ERBB4: variants seen among roughly 807,000 people sequenced by gnomAD.
The protein encoded by ERBB4 is receptor tyrosine-protein kinase erbB-4.
ERBB4 carries 42 observed loss-of-function variants against 158.0 expected under a neutral mutation model. That is an observed-to-expected ratio of 0.27 (90% CI 0.21 to 0.34). The LOEUF (loss-of-function observed/expected upper bound fraction) is 0.34. ERBB4 is among the 10% of genes least tolerant of loss of function. The pLI is 1.00. For synonymous variants in ERBB4, 583 were observed against 558.7 expected, an observed-to-expected ratio of 1.04 and a Z score of -0.61; for missense variants, 1,333 against 1,624.1, an observed-to-expected ratio of 0.82 and a Z score of 3.08.
chr2:211,613,287 G>C (rs578111169), intron 19 of ERBB4, among the ~76,000 whole-genome samples: 2 of 152,164 alleles, frequency 1.3e-5, no homozygotes, highest in African/African-American at 4.8e-5. Context: ...TGGTTACAAT[G>C]ATGGTCCATG....
intron 20 of ERBB4, among the ~76,000 whole-genome samples, chr2:211,507,393 C>A (rs566944401): frequency 2.6e-5 from 4 of 152,022 alleles, no homozygotes; most frequent in Non-Finnish European, 5.9e-5. Context: ...CCATATCAGG[C>A]AAGGATACAA....
chr2:212,520,394 G>A (rs1053470529), intron 1 of ERBB4, among the ~76,000 whole-genome samples: 10 of 151,774 alleles, frequency 6.6e-5, no homozygotes, highest in Admixed American at 4.6e-4. Flanking sequence ...ATTTTATTGG[G>A]TTACTATTCT....
intron 13 of ERBB4, among the ~76,000 whole-genome samples, chr2:211,675,810 A>ATATATATATATAT (rs61556310): frequency 4.2e-5 from 6 of 143,516 alleles, no homozygotes; most frequent in Admixed American, 7.0e-5. Flanking sequence ...ATATATATAT[A>ATATATATATATAT]ACAAATAGGC....
At chr2:211,837,800 G>A (rs1559560749) in intron 3 of ERBB4, among the ~76,000 whole-genome samples, 1 of 152,106 alleles carries the variant, frequency 6.6e-6, no homozygotes, top group Non-Finnish European at 1.5e-5. Context: ...ATTTTCTGTG[G>A]ATAATATATT....
chr2:212,268,959 T>C (rs1467590862), intron 1 of ERBB4, among the ~76,000 whole-genome samples: 1 of 151,828 alleles, frequency 6.6e-6, no homozygotes, highest in Non-Finnish European at 1.5e-5. Context: ...CTTCTGTCTA[T>C]TCAAAAAACC....
rs77877215 is a variant in ERBB4, at chr2:211,856,912, A to G, written c.422-68753T>C. Among the ~76,000 whole-genome samples, 10 of 152,302 alleles carry G rather than the reference A, an allele frequency of 6.6e-5. No individual in the cohort carries two copies. In the East Asian group the frequency reaches 1.9e-3, roughly 29 times the overall value. On this transcript the variant is annotated intron_variant, in intron 3 of 27. Transcript: ENST00000342788. Reference sequence around the variant, plus strand: ...TGTAGGAGTACTTTTGGTGTTGTACAATCAACAGATTTAGATCTTTAGTAA... The same window carrying G: ...TGTAGGAGTACTTTTGGTGTTGTACGATCAACAGATTTAGATCTTTAGTAA...
chr2:211,545,703 G>C (rs1354884906), intron 20 of ERBB4, among the ~76,000 whole-genome samples: 1 of 151,944 alleles, frequency 6.6e-6, no homozygotes. Flanking sequence ...TGCTTGCTTG[G>C]GGCGATAATC....
chr2:211,466,892 C>T (rs113675105), intron 20 of ERBB4, among the ~76,000 whole-genome samples: 33 of 152,144 alleles, frequency 2.2e-4, no homozygotes, highest in African/African-American at 7.7e-4. Flanking sequence ...TCTCTTTTCT[C>T]TCTCCAGTAT....
rs2079136080 is a variant in ERBB4 at position 211,897,750 on chromosome 2, T to TGCTTTTGTTTTTA, written c.421+49667_421+49679dup. 2.0e-5 allele frequency among the ~76,000 whole-genome samples: 3 copies of TGCTTTTGTTTTTA among 152,086 alleles called. No individual in the cohort carries two copies. The South Asian group carries it at 6.2e-4, about 31-fold the overall frequency. On this transcript the variant is annotated intron_variant, in intron 3 of 27. Coordinates refer to ENST00000342788, the MANE Select transcript of ERBB4 (RefSeq NM_005235.3). ...TAATTAATTGTTTTGTTTTGTTTTT[T>TGCTTTTGTTTTTA]GCTTTTGTTTTTAGACAGGGTGTCA...
At chr2:212,328,737 C>CA (rs2087985890) in intron 1 of ERBB4, among the ~76,000 whole-genome samples, 1 of 151,912 alleles carries the variant, frequency 6.6e-6, no homozygotes, top group Admixed American at 6.6e-5. Flanking sequence ...CCTTTAGAGA[C>CA]AAATCTAAAT....
intron 19 of ERBB4, among the ~76,000 whole-genome samples, chr2:211,564,177 T>C (rs1267929227): frequency 1.3e-5 from 2 of 152,124 alleles, no homozygotes. Context: ...GCCAACTTGG[T>C]AAACATAAGC....
intron 3 of ERBB4, among the ~76,000 whole-genome samples, chr2:211,878,817 A>G (rs1297203158): frequency 6.6e-6 from 1 of 152,080 alleles, no homozygotes; most frequent in African/African-American, 2.4e-5. Flanking sequence ...TAAAATTTTA[A>G]GTAGAAAAAA....
At chr2:212,303,408 T>TTTTTTTTTTTTGTTTTTTTTTTTTTG (rs1574638490) in intron 1 of ERBB4, among the ~76,000 whole-genome samples, 1 of 151,112 alleles carries the variant, frequency 6.6e-6, no homozygotes, top group Non-Finnish European at 1.5e-5. Context: ...TATTACTTTC[T>TTTTTTTTTTTTGTTTTTTTTTTTTTG]AACAGACTTA....
At chr2:212,394,608 C>T (rs193041011) in intron 1 of ERBB4, among the ~76,000 whole-genome samples, 2 of 151,812 alleles carry the variant, frequency 1.3e-5, no homozygotes, top group African/African-American at 4.8e-5. Flanking sequence ...TGTTTACTAC[C>T]CCTTCACTAC....
At chr2:212,341,358 C>G (rs2088702097) in intron 1 of ERBB4, among the ~76,000 whole-genome samples, 1 of 151,840 alleles carries the variant, frequency 6.6e-6, no homozygotes, top group Non-Finnish European at 1.5e-5. Flanking sequence ...CCAGAAATGT[C>G]TTAAATTTTT....
intron 20 of ERBB4, among the ~76,000 whole-genome samples, chr2:211,549,249 G>C (rs1215222527): frequency 6.6e-6 from 1 of 152,088 alleles, no homozygotes. Context: ...AGGTTTTGTT[G>C]TCTGAGAAAT....
intron 1 of ERBB4, among the ~76,000 whole-genome samples, chr2:212,465,787 C>T (rs2106093440): frequency 6.6e-6 from 1 of 152,304 alleles, no homozygotes; most frequent in South Asian, 2.1e-4. Flanking sequence ...TATTGACATA[C>T]ATCCATTTTA....
At chr2:212,058,676 C>A (rs540295905) in intron 2 of ERBB4, among the ~76,000 whole-genome samples, 63 of 152,234 alleles carry the variant, frequency 4.1e-4, no homozygotes, top group African/African-American at 1.4e-3. Context: ...ATAAAAAGAA[C>A]TAAAGACAAA....
chr2:211,727,654 T>C (rs1243097151), intron 5 of ERBB4, among the ~76,000 whole-genome samples: 1 of 152,064 alleles, frequency 6.6e-6, no homozygotes, highest in Admixed American at 6.6e-5. Context: ...TGTTGATTAG[T>C]TCATGATTTC....
Sources: allele counts gnomAD v4.1 joint callset (sites outside exome capture counted in the v4.1 genomes callset), GRCh38; gene constraint gnomAD v4.1.1; transcripts MANE v1.5; gene names NCBI Gene and HGNC (gene_info 2026-07-23, HGNC 2026-07-21).